Variants in FER1L6 observed in about 807,000 individuals in gnomAD.
FER1L6 encodes the protein fer-1 like family member 6.
FER1L6 carries 177 observed loss-of-function variants against 219.2 expected under a neutral mutation model. The observed-to-expected ratio is 0.81, with a 90% CI of 0.71 to 0.91. The LOEUF (loss-of-function observed/expected upper bound fraction) is 0.91, where lower values mean the gene tolerates loss of function less well. FER1L6 is among the 40% of genes least tolerant of loss of function. FER1L6 has a pLI of 0.00. For missense variants in FER1L6, 2,153 were observed against 2,259.9 expected (o/e 0.95, Z 0.96); for synonymous variants, 768 against 824.3 (o/e 0.93, Z 1.17).
chr8:124,104,374 CA>C (rs751411040), intron 39 of FER1L6, among the ~76,000 whole-genome samples: 2 of 152,136 alleles, frequency 1.3e-5, no homozygotes, highest in Non-Finnish European at 2.9e-5. Flanking sequence ...GAGGGACAAA[CA>C]GTTCAACATC....
chr8:123,867,494 T>C (rs7824602), intron 1 of FER1L6, among the ~76,000 whole-genome samples: 83,583 of 152,012 alleles, frequency 0.55, 23,832 homozygotes, highest in African/African-American at 0.68. Context: ...AGAATGCTGG[T>C]TCTGGGGGGT....
At chr8:124,015,611 A>ATATATGTATG (rs1818166341) in intron 15 of FER1L6, among the ~76,000 whole-genome samples, 1 of 127,888 alleles carries the variant, frequency 7.8e-6, no homozygotes, top group African/African-American at 3.2e-5. Flanking sequence ...ATATATATAT[A>ATATATGTATG]TATATTACTC....
At position 124,060,615 on chromosome 8, in the gene FER1L6, T is replaced by C; in HGVS notation, c.3053T>C (p.Leu1018Pro). 6.2e-7 allele frequency: 1 copy of C among 1,614,084 alleles called. No individual in the cohort carries two copies. The highest frequency in any genetic ancestry group is 1.1e-5 in the South Asian group (1 of 91,068). The change falls in exon 24 of 41, where the codon CTC becomes CCC. Residue 1018 changes from leucine to proline, a missense_variant. By Grantham distance (98) the Leu-to-Pro change is moderately conservative. Transcript: ENST00000522917. The stretch of plus-strand genomic sequence containing the variant: ...CTCTCTGTGGATCGGCCTCAGGCTC[T>C]CATTGAGTGCGGAGGACAAGGTGTG... ...QLLSVDRPQA[L>P]IECGGQGVKS...
Position 124,075,267 on chromosome 8 carries a change from T to C in FER1L6, c.4093-931T>C, listed in dbSNP as rs7016134. 2.0e-3 allele frequency among the ~76,000 whole-genome samples: 302 copies of C among 150,664 alleles called. 3 individuals carry two copies. The highest frequency in any genetic ancestry group is 7.1e-3 in the African/African-American group (290 of 41,022). On this transcript the variant is annotated intron_variant, in intron 31 of 40. Transcript: ENST00000522917. ...GTACACAAATATGTTCTTGATATCC[T>C]TAGTCGATTAGCTTTTTTCTATTTT...
intron 1 of FER1L6, among the ~76,000 whole-genome samples, chr8:123,875,578 C>T (rs1167666972): frequency 2.0e-5 from 3 of 152,178 alleles, no homozygotes; most frequent in East Asian, 1.9e-4. Flanking sequence ...CTGGGCCTCT[C>T]GCCTGAATTC....
In FER1L6 at chr8:123,973,318, T is replaced by G. The variant is rs547189431; in HGVS notation, c.448-116T>G. 75 of 781,856 alleles carry G rather than the reference T, an allele frequency of 9.6e-5. No homozygotes were observed. The African/African-American group carries it at 1.1e-3, about 12-fold the overall frequency. 48.4% of individuals were successfully genotyped at this position (781,856 alleles called of 1,614,324 possible). A position where few individuals can be genotyped will look rare whatever the true frequency, so the allele number is the denominator to read the frequency against. ...GGGCTTCTGGAGGTCCTTTACAGCC[T>G]TGTGGTTTGATGGCCAAACTCCACT... On this transcript the variant is annotated intron_variant, in intron 6 of 40. Transcript: ENST00000522917.
chr8:123,953,962 A>T lies in FER1L6; in HGVS notation c.-7-2030A>T, dbSNP rs573919909. On this transcript the variant is annotated intron_variant, in intron 1 of 40. Coordinates refer to ENST00000522917, the MANE Select transcript of FER1L6 (RefSeq NM_001039112.2). ...TCCAGAGATTCCTGGGAGATTTAGG[A>T]TGATGTTCTCATCAGAGGATGATGG... 1.3e-3 allele frequency among the ~76,000 whole-genome samples: 195 copies of T among 152,322 alleles called. 1 individual carries two copies. Among genetic ancestry groups the T allele is most frequent in the African/African-American group, 4.5e-3 (189 of 41,562 alleles).
At chr8:123,961,005 T>C (rs1233939987) in intron 2 of FER1L6, among the ~76,000 whole-genome samples, 3 of 152,066 alleles carry the variant, frequency 2.0e-5, no homozygotes, top group Non-Finnish European at 2.9e-5. Flanking sequence ...TCCCAGCACT[T>C]TGGGAGGCTA....
intron 22 of FER1L6, chr8:124,058,743 AT>A (rs1391099379): frequency 6.6e-6 from 1 of 152,184 alleles, no homozygotes; most frequent in Non-Finnish European, 1.5e-5. Flanking sequence ...CTGGGGGGCT[AT>A]TAACTTTCCC....
intron 1 of FER1L6, among the ~76,000 whole-genome samples, chr8:123,929,664 G>A (rs1037136506): frequency 1.3e-5 from 2 of 152,122 alleles, no homozygotes; most frequent in African/African-American, 4.8e-5. Context: ...TTGGAGACAC[G>A]GTATTGAGGG....
intron 1 of FER1L6, among the ~76,000 whole-genome samples, chr8:123,872,834 C>T (rs1404816088): frequency 3.3e-5 from 5 of 152,194 alleles, no homozygotes; most frequent in Non-Finnish European, 7.3e-5. Context: ...CATTCAAAAC[C>T]TCCTAAACCT....
chr8:123,936,875 G>A (rs533429906), intron 1 of FER1L6, among the ~76,000 whole-genome samples: 1 of 152,070 alleles, frequency 6.6e-6, no homozygotes, highest in Non-Finnish European at 1.5e-5. Context: ...GGTTAAAATG[G>A]TTATCCTCAT....
At chr8:123,975,868 C>A (rs1400699937) in intron 8 of FER1L6, 30 bp from the exon 9 acceptor site, 4 of 1,508,348 alleles carry the variant, frequency 2.7e-6, no homozygotes, top group South Asian at 1.4e-5. Flanking sequence ...ATTGAGAGAG[C>A]TTTTTCATTT....
chr8:124,005,112 T>C (rs768826210), intron 13 of FER1L6, among the ~76,000 whole-genome samples: 1 of 152,134 alleles, frequency 6.6e-6, no homozygotes, highest in African/African-American at 2.4e-5. Context: ...TATACAGATA[T>C]GCCATTTAAA....
chr8:123,967,705 C>T (rs1586530622), intron 5 of FER1L6, among the ~76,000 whole-genome samples: 1 of 152,276 alleles, frequency 6.6e-6, no homozygotes, highest in African/African-American at 2.4e-5. Flanking sequence ...CACCTGTAAT[C>T]CCAACACTTT....
At chr8:124,076,363 TG>T in intron 32 of FER1L6, 38 bp downstream of exon 32, 1 of 1,598,290 alleles carries the variant, frequency 6.3e-7, no homozygotes, top group South Asian at 1.1e-5. Context: ...TTGTCCTTTC[TG>T]CATTTGCTCC....
chr8:123,879,794 A>G (rs1817074348), intron 1 of FER1L6, among the ~76,000 whole-genome samples: 1 of 152,120 alleles, frequency 6.6e-6, no homozygotes, highest in Non-Finnish European at 1.5e-5. Flanking sequence ...TTAACCTCAC[A>G]TCTCTCAGGG....
intron 1 of FER1L6, among the ~76,000 whole-genome samples, chr8:123,923,830 G>A (rs183338666): frequency 3.3e-5 from 5 of 151,848 alleles, no homozygotes; most frequent in Admixed American, 1.3e-4. Flanking sequence ...CCAGCTACTC[G>A]GGAGGCCAAG....
chr8:123,887,793 T>C (rs1475048926), intron 1 of FER1L6, among the ~76,000 whole-genome samples: 1 of 152,218 alleles, frequency 6.6e-6, no homozygotes, highest in African/African-American at 2.4e-5. Flanking sequence ...GAATTTTTGT[T>C]TGCAAGCATG....
Sources: gnomAD v4.1 joint callset for allele counts (sites outside exome capture counted in the v4.1 genomes callset) on GRCh38, gnomAD v4.1.1 for gene constraint, MANE v1.5 for transcripts, NCBI Gene and HGNC (gene_info 2026-07-23, HGNC 2026-07-21) for gene names.